Variants in GATA4 observed in about 807,000 individuals in gnomAD.
GATA4 encodes the protein transcription factor GATA-4.
In GATA4, 7 loss-of-function variants were observed where a neutral mutation model predicts 37.9. That is an observed-to-expected ratio of 0.18 (90% confidence interval 0.11 to 0.35). The LOEUF is 0.35. Among genes scored for constraint, GATA4 ranks in the 10% least tolerant of loss-of-function variants. The pLI is 1.00. For missense variants in GATA4, 647 were observed against 653.0 expected (o/e 0.99, Z 0.10); for synonymous variants, 372 against 292.6 (o/e 1.27, Z -2.77).
Position 11,749,116 on chromosome 8 carries a change from C to T in GATA4, c.786+31C>T. 6.2e-7 allele frequency: 1 copy of T among 1,610,728 alleles called. No homozygotes were observed. Among genetic ancestry groups the T allele is most frequent in the Non-Finnish European group, 8.5e-7 (1 of 1,177,896 alleles). On this transcript the variant is annotated intron_variant, in intron 3 of 6. Coordinates refer to ENST00000532059, the MANE Select transcript of GATA4 (RefSeq NM_001308093.3). The surrounding 1 kb of genome is among the most constrained non-coding windows in gnomAD (Gnocchi z 4.6). ...CACGTGCCTCGCAGCCTCCTCTGGG[C>T]ACCTGGCTGCGGAGCTCTCGCCTTG...
chr8:11,727,507 C>G (rs1800986160), intron 2 of GATA4, among the ~76,000 whole-genome samples: 1 of 152,136 alleles, frequency 6.6e-6, no homozygotes, highest in Non-Finnish European at 1.5e-5. Flanking sequence ...GCACTAGAGT[C>G]TAGTAAGTGG....
intron 2 of GATA4, among the ~76,000 whole-genome samples, chr8:11,726,881 C>T (rs111270555): frequency 2.2e-4 from 34 of 152,348 alleles, no homozygotes; most frequent in African/African-American, 8.2e-4. Context: ...GAGCAGATGA[C>T]TCACAATCTT....
upstream of GATA4, chr8:11,692,501 C>A: frequency 9.1e-6 from 9 of 985,310 alleles, no homozygotes; most frequent in Non-Finnish European, 1.1e-5. Flanking sequence ...CCGTGCACAG[C>A]GTGAGTAATT....
At chr8:11,757,334 C>G (rs1336051725) in intron 6 of GATA4, among the ~76,000 whole-genome samples, 5 of 152,232 alleles carry the variant, frequency 3.3e-5, no homozygotes, top group Non-Finnish European at 7.3e-5. Flanking sequence ...ATGACTGTGA[C>G]TCACAATTTT....
Position 11,708,965 on chromosome 8 carries a change from C to T in GATA4, c.616+37C>T. On this transcript the variant is annotated intron_variant, in intron 2 of 6. Coordinates refer to ENST00000532059, the MANE Select transcript of GATA4 (RefSeq NM_001308093.3). This position sits in a 1 kb window ranked among gnomAD's most constrained non-coding sequence, Gnocchi z 6.7. ...CGCGAGGGCTGGGGCGCGTGAGGGC[C>T]GGGGCAGGGGCCGTCTTGAGCCCTG... The T allele has an allele frequency of 2.6e-6, 4 of 1,512,924 alleles. No individual in the cohort carries two copies. Among genetic ancestry groups the T allele is most frequent in the South Asian group, 1.2e-5 (1 of 82,072 alleles). 93.7% of individuals were successfully genotyped at this position (1,512,924 alleles called of 1,614,324 possible).
chr8:11,682,026 T>C (rs1798989350), intron 1 of GATA4, among the ~76,000 whole-genome samples: 1 of 152,262 alleles, frequency 6.6e-6, no homozygotes, highest in Non-Finnish European at 1.5e-5. Flanking sequence ...ATCAAAAGGC[T>C]TCTTGTCTGT....
At chr8:11,704,161 C>G (rs904904126), upstream of GATA4, 2 of 152,316 alleles carry the variant, frequency 1.3e-5, no homozygotes, top group African/African-American at 4.8e-5. Flanking sequence ...AGTCAGCGCC[C>G]TAGGGCCGAG....
upstream of GATA4, among the ~76,000 whole-genome samples, chr8:11,689,333 G>A (rs1378259003): frequency 6.6e-6 from 1 of 152,182 alleles, no homozygotes; most frequent in African/African-American, 2.4e-5. Context: ...TATACATAGA[G>A]TGACCACATA....
chr8:11,702,306 G>T (rs1428511467), upstream of GATA4, among the ~76,000 whole-genome samples: 5 of 152,048 alleles, frequency 3.3e-5, no homozygotes, highest in East Asian at 9.7e-4. This position sits in a 1 kb window ranked among gnomAD's most constrained non-coding sequence, Gnocchi z 4.4. Flanking sequence ...AGGGTCGCGC[G>T]TGGGAGGCAG....
intron 2 of GATA4, among the ~76,000 whole-genome samples, chr8:11,710,825 TA>T (rs1263011804): frequency 1.3e-5 from 2 of 151,624 alleles, no homozygotes; most frequent in Non-Finnish European, 2.9e-5. Context: ...TCCAGCAGTG[TA>T]AAAACGAAAT....
intron 1 of GATA4, among the ~76,000 whole-genome samples, chr8:11,681,907 G>A (rs369718761): frequency 6.6e-6 from 1 of 152,220 alleles, no homozygotes. Context: ...GTCTGCCTGG[G>A]TCTCTTCCCA....
At position 11,708,537 on chromosome 8, in the gene GATA4, G is replaced by A; in HGVS notation, c.225G>A (p.Ala75=). 1.4e-6 allele frequency: 2 copies of A among 1,439,278 alleles called. No individual in the cohort carries two copies. The highest frequency in any genetic ancestry group is 1.8e-6 in the Non-Finnish European group (2 of 1,103,904). The allele number at this position is 1,439,278 out of a possible 1,614,324, so 89.2% of individuals were successfully genotyped here. A position where few individuals can be genotyped will look rare whatever the true frequency, so the allele number is the denominator to read the frequency against. ...GASGGSSGGA[A]SGAGPGTQQG... is the part of the protein sequence containing the mutation. The stretch of plus-strand genomic sequence containing the variant: ...CGGGCGGCAGCTCCGGTGGGGCCGC[G>A]TCTGGTGCGGGGCCCGGGACCCAGC... Residue 75 remains alanine, a synonymous_variant, in exon 2 of 7, where the codon GCG becomes GCA. Transcript: ENST00000532059. The surrounding 1 kb of genome is among the most constrained non-coding windows in gnomAD (Gnocchi z 6.7).
chr8:11,745,098 C>A (rs1198507363), intron 2 of GATA4, among the ~76,000 whole-genome samples: 1 of 152,138 alleles, frequency 6.6e-6, no homozygotes, highest in Non-Finnish European at 1.5e-5. Flanking sequence ...TACTTGGCAA[C>A]CTCCAGTGAC....
chr8:11,692,870 A>T, intron 1 of GATA4: 1 of 980,100 alleles, frequency 1.0e-6, no homozygotes, highest in Non-Finnish European at 1.2e-6. Flanking sequence ...AGCGCCGCCG[A>T]GTTTGCGCCG....
intron 2 of GATA4, among the ~76,000 whole-genome samples, chr8:11,730,324 G>A (rs969216885): frequency 5.9e-5 from 9 of 152,206 alleles, no homozygotes; most frequent in South Asian, 2.1e-4. Flanking sequence ...CTAGGCTTTC[G>A]ATTCTTGTGA....
chr8:11,737,637 G>C (rs1801526662), intron 2 of GATA4, among the ~76,000 whole-genome samples: 1 of 152,216 alleles, frequency 6.6e-6, no homozygotes, highest in African/African-American at 2.4e-5. Flanking sequence ...CAGGAGCTAG[G>C]GTGCTGTGAA....
intron 1 of GATA4, chr8:11,680,678 A>G (rs985817078): frequency 1.0e-6 from 1 of 975,228 alleles, no homozygotes; most frequent in Admixed American, 6.5e-5. Context: ...TGCGTCAGAG[A>G]CCCCCCCCTT....
intron 1 of GATA4, chr8:11,681,134 C>T (rs959089920): frequency 2.0e-6 from 2 of 985,120 alleles, no homozygotes; most frequent in Non-Finnish European, 2.4e-6. Flanking sequence ...AAAACCGAGC[C>T]CAGGGAATCT....
chr8:11,693,917 C>CATG, intron 1 of GATA4, among the ~76,000 whole-genome samples: 1 of 152,124 alleles, frequency 6.6e-6, no homozygotes, highest in Non-Finnish European at 1.5e-5. Context: ...GTGTGTGCGT[C>CATG]TGTGTGCATG....
Sources: gnomAD v4.1 joint callset for allele counts (sites outside exome capture counted in the v4.1 genomes callset) on GRCh38, gnomAD v4.1.1 for gene constraint, Gnocchi (gnomAD v3.1) non-coding constraint, MANE v1.5 for transcripts, NCBI Gene and HGNC (gene_info 2026-07-23, HGNC 2026-07-21) for gene names.